The following PKP2 variants were observed in gnomAD, a reference collection of about 807,000 sequenced individuals.
PKP2 encodes the protein plakophilin 2.
PKP2 carries 73 observed loss-of-function variants against 83.4 expected under a neutral mutation model. That is an observed-to-expected ratio of 0.88 (90% CI 0.72 to 1.06). The LOEUF (loss-of-function observed/expected upper bound fraction) is 1.06. Ranked by LOEUF, PKP2 falls within the 50% of genes least tolerant of loss-of-function variation. The pLI is 0.00. For missense variants in PKP2, 966 were observed against 1,065.4 expected, an observed-to-expected ratio of 0.91 and a Z score of 1.30; for synonymous variants, 409 against 430.4, an observed-to-expected ratio of 0.95 and a Z score of 0.62.
intron 3 of PKP2, among the ~76,000 whole-genome samples, chr12:32,869,704 G>A (rs1288561547): frequency 6.6e-6 from 1 of 151,834 alleles, no homozygotes; most frequent in East Asian, 1.9e-4. Context: ...GAATCCAAAA[G>A]AAATCTGTTT....
At chr12:32,850,717 T>C (rs1156778353) in intron 5 of PKP2, 49 bp downstream of exon 5, 2 of 1,412,560 alleles carry the variant, frequency 1.4e-6, no homozygotes, top group East Asian at 2.3e-5. Context: ...GTAAGGCATC[T>C]GGCTGGGGTG....
intron 5 of PKP2, among the ~76,000 whole-genome samples, chr12:32,844,949 TATA>T (rs1956632390): frequency 6.6e-6 from 1 of 152,322 alleles, no homozygotes; most frequent in African/African-American, 2.4e-5. Flanking sequence ...GATTACCTAA[TATA>T]ATATTTACGG....
At chr12:32,837,506 T>C (rs1002106494) in intron 6 of PKP2, among the ~76,000 whole-genome samples, 1 of 152,194 alleles carries the variant, frequency 6.6e-6, no homozygotes, top group Non-Finnish European at 1.5e-5. Context: ...ATAAATTAGA[T>C]ATACAGATGA....
At chr12:32,827,934 A>T (rs1232685032) in intron 6 of PKP2, among the ~76,000 whole-genome samples, 2 of 152,250 alleles carry the variant, frequency 1.3e-5, no homozygotes, top group Non-Finnish European at 2.9e-5. Context: ...GCATACTGTT[A>T]TATACTGAAA....
rs760914394 is a variant in PKP2 at position 32,841,083 on chromosome 12, T to C, written c.1501A>G (p.Lys501Glu). ...TCAAAATCGAGCAAACCATTTGCTT[T>C]TGGGTAGTCTCCTTCAGGCCACCCA... ...FSGWPEGDYP[K>E]ANGLLDFDIF... Residue 501 changes from lysine (K) to glutamate (E), a missense_variant, in exon 6 of 13, where the codon AAA becomes GAA. Coordinates refer to ENST00000340811, the MANE Select transcript of PKP2 (RefSeq NM_001005242.3). 1.2e-6 allele frequency: 2 copies of C among 1,614,026 alleles called. No homozygotes were observed. Among genetic ancestry groups the C allele is most frequent in the South Asian group, 1.1e-5 (1 of 91,066 alleles).
At chr12:32,816,430 A>G (rs1172379182) in intron 9 of PKP2, among the ~76,000 whole-genome samples, 3 of 152,066 alleles carry the variant, frequency 2.0e-5, no homozygotes, top group Non-Finnish European at 4.4e-5. Flanking sequence ...CTCTTTTTTC[A>G]TGGCTGCATA....
intron 9 of PKP2, among the ~76,000 whole-genome samples, chr12:32,806,108 G>C (rs1418722669): frequency 1.3e-5 from 2 of 152,210 alleles, no homozygotes; most frequent in African/African-American, 4.8e-5. Context: ...GCTAGATTCA[G>C]TCTGCCAGTA....
At chr12:32,823,456 A>C (rs1247331471) in intron 7 of PKP2, among the ~76,000 whole-genome samples, 1 of 151,532 alleles carries the variant, frequency 6.6e-6, no homozygotes, top group Non-Finnish European at 1.5e-5. Flanking sequence ...TATAAAAAGA[A>C]GGAACAAGTT....
At chr12:32,858,617 A>G (rs1956775336) in intron 4 of PKP2, among the ~76,000 whole-genome samples, 2 of 152,156 alleles carry the variant, frequency 1.3e-5, no homozygotes, top group African/African-American at 4.8e-5. Flanking sequence ...GTTTGATCTC[A>G]TAAGAATTTT....
chr12:32,888,638 C>T (rs1285836415), intron 1 of PKP2, among the ~76,000 whole-genome samples: 4 of 137,354 alleles, frequency 2.9e-5, no homozygotes, highest in South Asian at 2.3e-4. Context: ...TACAGGCATG[C>T]GCCACCACGC....
intron 6 of PKP2, among the ~76,000 whole-genome samples, chr12:32,837,423 CTG>C (rs1188673808): frequency 6.6e-6 from 1 of 151,978 alleles, no homozygotes; most frequent in Non-Finnish European, 1.5e-5. Context: ...TGAGAGTAAA[CTG>C]AGAAAAGCCT....
rs1282672078 is a variant in PKP2 at position 32,877,855 on chromosome 12, G to A, written c.1025C>T (p.Ser342Phe). 8 of 1,612,234 alleles carry A rather than the reference G, an allele frequency of 5.0e-6. No individual in the cohort carries two copies. The highest frequency in any genetic ancestry group is 1.3e-5 in the African/African-American group (1 of 74,908). ...LLTERSTFTD[S>F]QLGNADMEMT... is the part of the protein sequence containing the mutation. ...TCAGGAGGGGACTTACCCCAGCTGG[G>A]AGTCAGTGAAAGTGCTTCTCTCAGT... is the stretch of plus-strand genomic sequence containing the variant. The change falls in exon 3 of 13, where the codon TCC (serine) becomes TTC (phenylalanine). Residue 342 changes from serine to phenylalanine, a missense_variant. By Grantham distance (155) the Ser-to-Phe change is radical. Coordinates refer to ENST00000340811, the MANE Select transcript of PKP2 (RefSeq NM_001005242.3).
intron 9 of PKP2, among the ~76,000 whole-genome samples, chr12:32,808,499 T>C (rs1273500023): frequency 2.6e-5 from 4 of 152,308 alleles, no homozygotes; most frequent in Non-Finnish European, 5.9e-5. Context: ...AAGTTTGTTA[T>C]TTCCCACCTT....
At chr12:32,882,830 GGTTGATTATTAAAT>G (rs1324977310) in intron 1 of PKP2, among the ~76,000 whole-genome samples, 1 of 151,994 alleles carries the variant, frequency 6.6e-6, no homozygotes, top group East Asian at 1.9e-4. Context: ...TAATAGTCAG[GGTTGATTATTAAAT>G]CAACCTGGGT....
chr12:32,838,932 G>T (rs1956565349), intron 6 of PKP2, among the ~76,000 whole-genome samples: 1 of 152,202 alleles, frequency 6.6e-6, no homozygotes. Context: ...TGAACATTAT[G>T]AACTTTATCT....
At chr12:32,859,191 T>C (rs1956778645) in intron 4 of PKP2, among the ~76,000 whole-genome samples, 1 of 152,208 alleles carries the variant, frequency 6.6e-6, no homozygotes, top group East Asian at 1.9e-4. Context: ...CTTATTTCTC[T>C]GAAAATTAAT....
intron 4 of PKP2, among the ~76,000 whole-genome samples, chr12:32,851,873 G>A (rs1160123432): frequency 7.5e-6 from 1 of 133,912 alleles, no homozygotes; most frequent in Non-Finnish European, 1.5e-5. Context: ...TTTTAAATGT[G>A]TTATTTAAAA....
At chr12:32,804,950 C>T (rs1196880642) in intron 9 of PKP2, among the ~76,000 whole-genome samples, 1 of 152,182 alleles carries the variant, frequency 6.6e-6, no homozygotes, top group Non-Finnish European at 1.5e-5. Context: ...TCTCTGCAAC[C>T]TTGCCAGCAT....
At chr12:32,867,589 T>C (rs1956860697) in intron 4 of PKP2, among the ~76,000 whole-genome samples, 2 of 152,138 alleles carry the variant, frequency 1.3e-5, no homozygotes, top group African/African-American at 4.8e-5. Flanking sequence ...CTTAAAAGAA[T>C]GAGTAAGATT....
Sources: allele counts gnomAD v4.1 joint callset (sites outside exome capture counted in the v4.1 genomes callset), GRCh38; gene constraint gnomAD v4.1.1; transcripts MANE v1.5; gene names NCBI Gene and HGNC (gene_info 2026-07-23, HGNC 2026-07-21).